The following ZNF836 variants were observed in gnomAD, a reference collection of about 807,000 sequenced individuals.
ZNF836 encodes the protein zinc finger protein 836.
Under a neutral mutation model 7.4 loss-of-function variants are expected in ZNF836, and 12 were observed. The observed-to-expected ratio is 1.61, with a 90% CI of 1.03 to 2.61. The LOEUF is 2.61. ZNF836 is among the 30% of genes most tolerant of loss of function. The probability of loss-of-function intolerance (pLI) is 0.00; values close to 1 mark genes in which losing one functional copy is unlikely to be tolerated. For synonymous variants in ZNF836, 365 were observed against 382.6 expected, an observed-to-expected ratio of 0.95 and a Z score of 0.54; for missense variants, 998 against 1,126.2, an observed-to-expected ratio of 0.89 and a Z score of 1.63.
chr19:52,161,848 T>C lies in ZNF836; in HGVS notation c.16-1257A>G, dbSNP rs1277920289. On this transcript the variant is annotated intron_variant, in intron 3 of 4. Transcript: ENST00000682614. This position sits in a 1 kb window ranked among gnomAD's most constrained non-coding sequence, Gnocchi z 4.1. ...GGGTGAGACTCAAACATGCATTTCA[T>C]CCAAAGGCAAACTGCTTTCTAGTTG... 6.6e-6 allele frequency among the ~76,000 whole-genome samples: 1 copy of C among 152,202 alleles called. No homozygotes were observed. Among genetic ancestry groups the C allele is most frequent in the African/African-American group, 2.4e-5 (1 of 41,450 alleles).
At chr19:52,163,111 C>G (rs1158288598) in intron 3 of ZNF836, among the ~76,000 whole-genome samples, 2 of 152,286 alleles carry the variant, frequency 1.3e-5, no homozygotes, top group East Asian at 3.9e-4. Flanking sequence ...ATTCTGCCCT[C>G]AAGGCCCTGG....
rs368863701 is a variant in ZNF836, at chr19:52,156,426, A to C, written c.1257T>G (p.Cys419Trp). 3.1e-6 allele frequency: 5 copies of C among 1,614,198 alleles called. No individual in the cohort carries two copies. The highest frequency in any genetic ancestry group is 4.2e-6 in the Non-Finnish European group (5 of 1,180,036). ...SGNKPYKCDECGKTFKRSSSL... is the reference protein window; with the variant it reads ...SGNKPYKCDEWGKTFKRSSSL... ...TGGAGCTCCGTTTAAAGGTTTTGCC[A>C]CACTCATCACATTTGTAAGGTTTGT... Residue 419 changes from cysteine to tryptophan, a missense_variant, in exon 5 of 5, where the codon TGT (cysteine) becomes TGG (tryptophan). Coordinates refer to ENST00000682614, the MANE Select transcript of ZNF836 (RefSeq NM_001102657.3).
chr19:52,156,663 T>C lies in ZNF836; in HGVS notation c.1020A>G (p.Lys340=), dbSNP rs2089164237. The change falls in exon 5 of 5, where the codon AAA becomes AAG. Residue 340 remains lysine, a synonymous_variant. Coordinates refer to ENST00000682614, the MANE Select transcript of ZNF836 (RefSeq NM_001102657.3). ...YKCNECGKTF[K]QGSCLTTHQI... is the part of the protein sequence containing the mutation. ...GATGTGTAGTGAGGCATGAGCCTTG[T>C]TTGAAGGTTTTCCCACACTCATTAC... The C allele has an allele frequency of 1.9e-6, 3 of 1,614,036 alleles. No homozygotes were observed. Among genetic ancestry groups the C allele is most frequent in the Non-Finnish European group, 2.5e-6 (3 of 1,179,952 alleles).
At chr19:52,158,554 C>G (rs1360756121) in intron 4 of ZNF836, among the ~76,000 whole-genome samples, 1 of 151,852 alleles carries the variant, frequency 6.6e-6, no homozygotes, top group Non-Finnish European at 1.5e-5. Context: ...ACTAGCCTGG[C>G]CAACATGATG....
At chr19:52,163,050 G>T (rs117093686) in intron 3 of ZNF836, among the ~76,000 whole-genome samples, 1 of 152,110 alleles carries the variant, frequency 6.6e-6, no homozygotes, top group Non-Finnish European at 1.5e-5. Flanking sequence ...CAGACCTGAG[G>T]TATCAGAGTT....
rs2089172460 is a variant in ZNF836, at chr19:52,157,211, C to G, written c.472G>C (p.Glu158Gln). The G allele has an allele frequency of 6.2e-7, 1 of 1,611,616 alleles. No individual in the cohort carries two copies. The highest frequency in any genetic ancestry group is 8.5e-7 in the Non-Finnish European group (1 of 1,178,582). ...RLTELQKFQT[E>Q]GKIYECNQSE... is the part of the protein sequence containing the mutation. The stretch of plus-strand genomic sequence containing the variant: ...TGGTTACACTCATAAATTTTCCCTT[C>G]AGTTTGAAATTTCTGCAGTTCAGTC... Residue 158 changes from glutamate to glutamine, a missense_variant, in exon 5 of 5, where the codon GAA becomes CAA. By Grantham distance (29) the Glu-to-Gln change is conservative (BLOSUM62 2). Transcript: ENST00000682614.
intron 3 of ZNF836, among the ~76,000 whole-genome samples, chr19:52,166,619 G>C (rs1050476516): frequency 1.7e-4 from 26 of 149,328 alleles, no homozygotes; most frequent in Non-Finnish European, 2.8e-4. Flanking sequence ...TGTCGCCCAG[G>C]CTGGAGTGCA....
At position 52,161,897 on chromosome 19, in the gene ZNF836, T is replaced by C. The variant is rs1307337201; in HGVS notation, c.16-1306A>G. Among the ~76,000 whole-genome samples the C allele has an allele frequency of 6.6e-6, 1 of 152,194 alleles. No individual in the cohort carries two copies. The highest frequency in any genetic ancestry group is 1.5e-5 in the Non-Finnish European group (1 of 68,044). On this transcript the variant is annotated intron_variant, in intron 3 of 4. Transcript: ENST00000682614. This position sits in a 1 kb window ranked among gnomAD's most constrained non-coding sequence, Gnocchi z 4.1. ...TGTGAACCTATGAAAGCAAACGAGT[T>C]ATGTGCTTCCAAAATACAATGGTGG...
At position 52,154,801 on chromosome 19, in the gene ZNF836, A is replaced by G; in HGVS notation, c.*71T>C. On this transcript the variant is annotated 3_prime_UTR_variant, in exon 5 of 5. Coordinates refer to ENST00000682614, the MANE Select transcript of ZNF836 (RefSeq NM_001102657.3). ...TCCCACCAGGCCCCACCTCCAATAA[A>G]GGGGATTAAAATTCCACATGAGATT... 7.4e-7 allele frequency: 1 copy of G among 1,353,452 alleles called. No homozygotes were observed. The allele number at this position is 1,353,452 out of a possible 1,614,324, so 83.8% of individuals were successfully genotyped here.
chr19:52,166,233 G>A (rs867451021), intron 3 of ZNF836, among the ~76,000 whole-genome samples: 20 of 152,146 alleles, frequency 1.3e-4, no homozygotes, highest in Middle Eastern at 3.4e-3. Flanking sequence ...CTGGTGATCC[G>A]CCTGCCTCAG....
intron 4 of ZNF836, among the ~76,000 whole-genome samples, chr19:52,158,001 A>G (rs919081785): frequency 2.0e-5 from 3 of 152,182 alleles, no homozygotes; most frequent in African/African-American, 7.2e-5. Flanking sequence ...CTTTACCACA[A>G]TGATCTTCTA....
intron 3 of ZNF836, among the ~76,000 whole-genome samples, chr19:52,164,912 ACC>A (rs926199375): frequency 5.1e-4 from 78 of 152,094 alleles, no homozygotes; most frequent in African/African-American, 1.9e-3. Flanking sequence ...ACATGGTGAA[ACC>A]CCCTCTCTCT....
In ZNF836 at chr19:52,161,839, T is replaced by C. The variant is rs888392012; in HGVS notation, c.16-1248A>G. ...ATCAGATATGGGTGAGACTCAAACA[T>C]GCATTTCATCCAAAGGCAAACTGCT... On this transcript the variant is annotated intron_variant, in intron 3 of 4. Transcript: ENST00000682614. This position sits in a 1 kb window ranked among gnomAD's most constrained non-coding sequence, Gnocchi z 4.1. Among the ~76,000 whole-genome samples the C allele has an allele frequency of 2.4e-4, 37 of 152,188 alleles. No individual in the cohort carries two copies. The highest frequency in any genetic ancestry group is 8.0e-4 in the African/African-American group (33 of 41,444).
In ZNF836 at chr19:52,162,177, C is replaced by T. The variant is rs142228573; in HGVS notation, c.16-1586G>A. On this transcript the variant is annotated intron_variant, in intron 3 of 4. Coordinates refer to ENST00000682614, the MANE Select transcript of ZNF836 (RefSeq NM_001102657.3). ...GTTCTCACAGTGCCTGCAGCTCTCCCGAGCTGGAATCACATACCGGTGACT... is the reference window on the plus strand; with the variant it reads ...GTTCTCACAGTGCCTGCAGCTCTCCTGAGCTGGAATCACATACCGGTGACT... Among the ~76,000 whole-genome samples, 14 of 152,284 alleles carry T rather than the reference C, an allele frequency of 9.2e-5. No homozygotes were observed. The East Asian group carries it at 1.2e-3, about 13-fold the overall frequency.
In ZNF836 at chr19:52,168,094, C is replaced by T. The variant is rs1600144866; in HGVS notation, c.-22G>A. On this transcript the variant is annotated 5_prime_UTR_variant, in exon 3 of 5. Coordinates refer to ENST00000682614, the MANE Select transcript of ZNF836 (RefSeq NM_001102657.3). ...CCATCCCTGACTCCTTTTCTTTCCT[C>T]TTCTTCCTCTTCTGGGCTTCTCTCT... 1.9e-6 allele frequency: 3 copies of T among 1,611,674 alleles called. No homozygotes were observed. In the East Asian group the frequency reaches 6.7e-5, roughly 36 times the overall value.
At chr19:52,163,927 A>G (rs371082248) in intron 3 of ZNF836, among the ~76,000 whole-genome samples, 26 of 152,040 alleles carry the variant, frequency 1.7e-4, no homozygotes, top group African/African-American at 6.0e-4. Context: ...CCAGTCAGAA[A>G]ATTATAATTG....
chr19:52,171,580 G>A lies in ZNF836; in HGVS notation c.-459C>T, dbSNP rs1193090457. 2 of 152,308 alleles carry A rather than the reference G, an allele frequency of 1.3e-5. No individual in the cohort carries two copies. The highest frequency in any genetic ancestry group is 2.9e-5 in the Non-Finnish European group (2 of 68,108). 9.4% of individuals were successfully genotyped at this position (152,308 alleles called of 1,614,324 possible). On this transcript the variant is annotated 5_prime_UTR_variant, in exon 1 of 5. Coordinates refer to ENST00000682614, the MANE Select transcript of ZNF836 (RefSeq NM_001102657.3). ...GACTGAGAGACCTGGGGCGGGAGAG[G>A]GGCCTGGGCGGGGTGCGACCCGCAA...
rs992112846 is a variant in ZNF836, at chr19:52,166,180, T to C, written c.15+1878A>G. ...CTAATTTTTGTATTTTTAGTAGAGG[T>C]GGGGTTTCACTATGTTGGCCAGGCT... On this transcript the variant is annotated intron_variant, in intron 3 of 4. Transcript: ENST00000682614. 1.1e-4 allele frequency among the ~76,000 whole-genome samples: 16 copies of C among 151,862 alleles called. No homozygotes were observed. The South Asian group carries it at 2.3e-3, about 22-fold the overall frequency.
chr19:52,170,669 C>T (rs1041468353), intron 1 of ZNF836, among the ~76,000 whole-genome samples: 7 of 152,080 alleles, frequency 4.6e-5, no homozygotes, highest in Non-Finnish European at 1.0e-4. Context: ...CGTTCTCTTT[C>T]ACTCTTGCTG....
Sources: allele counts gnomAD v4.1 joint callset (sites outside exome capture counted in the v4.1 genomes callset), GRCh38; gene constraint gnomAD v4.1.1; non-coding constraint Gnocchi (gnomAD v3.1); transcripts MANE v1.5; gene names NCBI Gene and HGNC (gene_info 2026-07-23, HGNC 2026-07-21).